TIMP2: variants seen among roughly 807,000 people sequenced by gnomAD.
TIMP2 encodes the protein metalloproteinase inhibitor 2.
A neutral mutation model predicts 24.3 loss-of-function variants in TIMP2; 5 were observed. The observed-to-expected ratio is 0.21, with a 90% CI of 0.11 to 0.43. TIMP2 has a LOEUF of 0.43. Among genes scored for constraint, TIMP2 ranks in the 20% least tolerant of loss-of-function variants. The pLI is 1.00. For synonymous variants in TIMP2, 130 were observed against 123.2 expected (o/e 1.06, Z -0.37); for missense variants, 221 against 297.5 (o/e 0.74, Z 1.89).
chr17:78,907,676 TCA>T (rs979727609), intron 1 of TIMP2, among the ~76,000 whole-genome samples: 3 of 152,130 alleles, frequency 2.0e-5, no homozygotes, highest in Admixed American at 6.5e-5. Context: ...ACCGATAGAC[TCA>T]GAGTTGAGCC....
Position 78,855,415 on chromosome 17 carries a change from C to A in TIMP2, c.*252G>T. 1 of 534,938 alleles carries A rather than the reference C, an allele frequency of 1.9e-6. No individual in the cohort carries two copies. The highest frequency in any genetic ancestry group is 3.4e-6 in the Non-Finnish European group (1 of 296,776). 33.1% of individuals were successfully genotyped at this position (534,938 alleles called of 1,614,324 possible). ...AAGCCGCGTGTCCCAGCCCTGCCTG[C>A]ACCCAAGGATCGAAGCCCCAGACAC... On this transcript the variant is annotated 3_prime_UTR_variant, in exon 5 of 5. Coordinates refer to ENST00000262768, the MANE Select transcript of TIMP2 (RefSeq NM_003255.5). This position sits in a 1 kb window ranked among gnomAD's most constrained non-coding sequence, Gnocchi z 6.0.
intron 1 of TIMP2, among the ~76,000 whole-genome samples, chr17:78,885,567 G>C (rs1249175377): frequency 6.6e-6 from 1 of 152,204 alleles, no homozygotes; most frequent in Non-Finnish European, 1.5e-5. Context: ...AGCCCTATGA[G>C]GTGCCTGGCA....
chr17:78,923,362 C>T (rs1330916986), intron 1 of TIMP2, among the ~76,000 whole-genome samples: 2 of 139,706 alleles, frequency 1.4e-5, no homozygotes, highest in African/African-American at 2.7e-5. Flanking sequence ...GGACATTCTC[C>T]CACACAGCTG....
At chr17:78,901,687 TG>T in intron 1 of TIMP2, 1 of 715,580 alleles carries the variant, frequency 1.4e-6, no homozygotes. Flanking sequence ...CTCTTTAGGA[TG>T]GGGATGATAA....
intron 1 of TIMP2, among the ~76,000 whole-genome samples, chr17:78,914,281 A>AC (rs2070235946): frequency 7.4e-6 from 1 of 135,082 alleles, no homozygotes; most frequent in Non-Finnish European, 1.6e-5. Flanking sequence ...TTATTTATTT[A>AC]TTTATTTATT....
chr17:78,853,340 G>A lies in TIMP2; in HGVS notation c.*2327C>T, dbSNP rs908974408. 2 of 152,572 alleles carry A rather than the reference G, an allele frequency of 1.3e-5. No homozygotes were observed. The highest frequency in any genetic ancestry group is 2.4e-5 in the African/African-American group (1 of 41,432). 9.5% of individuals were successfully genotyped at this position (152,572 alleles called of 1,614,324 possible). On this transcript the variant is annotated 3_prime_UTR_variant, in exon 5 of 5. Transcript: ENST00000262768. ...TTAGAACATAACATATAAATTAAAC[G>A]ATGCCAAATGGAGAGCCTTCTTAAA...
At chr17:78,893,476 GGTGTGTGTGCAGGGGT>G (rs1409304990) in intron 1 of TIMP2, among the ~76,000 whole-genome samples, 2 of 143,394 alleles carry the variant, frequency 1.4e-5, no homozygotes, top group Non-Finnish European at 3.1e-5. Context: ...TGTGCATAGC[GGTGTGTGTGCAGGGGT>G]GTGTGCGCGC....
intron 3 of TIMP2, among the ~76,000 whole-genome samples, chr17:78,860,038 T>C (rs2069555419): frequency 6.6e-6 from 1 of 151,800 alleles, no homozygotes; most frequent in Admixed American, 6.6e-5. Flanking sequence ...TAGCCGGGTG[T>C]GGTGGCGGGT....
intron 1 of TIMP2, among the ~76,000 whole-genome samples, chr17:78,909,483 C>T (rs1006989411): frequency 2.6e-5 from 4 of 151,278 alleles, no homozygotes; most frequent in Non-Finnish European, 4.4e-5. Context: ...CCCCCCCACC[C>T]AGTCCTTTCT....
intron 3 of TIMP2, among the ~76,000 whole-genome samples, chr17:78,860,576 T>C (rs1294778581): frequency 6.6e-6 from 1 of 152,254 alleles, no homozygotes; most frequent in Non-Finnish European, 1.5e-5. Flanking sequence ...TGAATTCTTA[T>C]GCTCGCACTT....
intron 1 of TIMP2, chr17:78,897,996 T>C (rs1599166666): frequency 6.6e-6 from 1 of 152,136 alleles, no homozygotes; most frequent in Non-Finnish European, 1.5e-5. Flanking sequence ...CATGACACCA[T>C]CGGATGCAAC....
chr17:78,896,761 C>T lies in TIMP2; in HGVS notation c.131-22842G>A, dbSNP rs758401594. Among the ~76,000 whole-genome samples, 3 of 152,140 alleles carry T rather than the reference C, an allele frequency of 2.0e-5. No individual in the cohort carries two copies. Among genetic ancestry groups the T allele is most frequent in the African/African-American group, 7.2e-5 (3 of 41,412 alleles). The stretch of plus-strand genomic sequence containing the variant: ...AGTGGACACCAATCTGGCCTCCGGA[C>T]GGCACCAGGGCCTCCCACAGAGCGG... On this transcript the variant is annotated intron_variant, in intron 1 of 4. Coordinates refer to ENST00000262768, the MANE Select transcript of TIMP2 (RefSeq NM_003255.5). The surrounding 1 kb of genome is among the most constrained non-coding windows in gnomAD (Gnocchi z 4.4).
Position 78,891,604 on chromosome 17 carries a change from ACT to A in TIMP2, c.131-17687_131-17686del, listed in dbSNP as rs1175790079. ...CGAGGTCTCTCAGCTTCCCCTCCAG[ACT>A]CTGTCCCTGAGAGCGACTGGTCAGG... is the stretch of plus-strand genomic sequence containing the variant. On this transcript the variant is annotated intron_variant, in intron 1 of 4. Transcript: ENST00000262768. This position sits in a 1 kb window ranked among gnomAD's most constrained non-coding sequence, Gnocchi z 4.5. 5 of 1,550,398 alleles carry A rather than the reference ACT, an allele frequency of 3.2e-6. No homozygotes were observed. In the South Asian group the frequency reaches 3.6e-5, roughly 11 times the overall value.
At chr17:78,860,335 A>C (rs1038803915) in intron 3 of TIMP2, among the ~76,000 whole-genome samples, 8 of 152,252 alleles carry the variant, frequency 5.3e-5, no homozygotes, top group African/African-American at 1.9e-4. Flanking sequence ...GCTGTGCCCT[A>C]AGCACTTTTG....
At chr17:78,872,124 G>A (rs1186183494) in intron 2 of TIMP2, among the ~76,000 whole-genome samples, 1 of 150,288 alleles carries the variant, frequency 6.7e-6, no homozygotes, top group East Asian at 2.0e-4. Flanking sequence ...GAGTAGCTGG[G>A]ACTATAGGCG....
rs1253720535 is a variant in TIMP2, at chr17:78,870,967, T to C, written c.271A>G (p.Thr91Ala). 6.2e-7 allele frequency: 1 copy of C among 1,613,634 alleles called. No individual in the cohort carries two copies. The highest frequency in any genetic ancestry group is 1.1e-5 in the South Asian group (1 of 90,926). Residue 91 changes from threonine (T) to alanine (A), a missense_variant, in exon 3 of 5, where the codon ACG becomes GCG. Transcript: ENST00000262768. The stretch of plus-strand genomic sequence containing the variant: ...CCACACACTGCCGAGGAGGGGGCCG[T>C]GTAGATAAACTCTATATCCTTCTCA... The part of the protein sequence containing the change: ...GPEKDIEFIY[T>A]APSSAVCGVS...
intron 1 of TIMP2, among the ~76,000 whole-genome samples, chr17:78,916,163 C>T (rs1362700054): frequency 6.6e-6 from 1 of 152,160 alleles, no homozygotes; most frequent in Non-Finnish European, 1.5e-5. Context: ...CCGAGAGCTT[C>T]CTGGGAGGCA....
At chr17:78,904,485 T>C (rs1036078672) in intron 1 of TIMP2, 1 of 152,084 alleles carries the variant, frequency 6.6e-6, no homozygotes, top group African/African-American at 2.4e-5. Context: ...CAAAGCCCTT[T>C]GTCCTGGGCT....
chr17:78,862,416 T>C (rs1214517628), intron 3 of TIMP2, among the ~76,000 whole-genome samples: 2 of 152,222 alleles, frequency 1.3e-5, no homozygotes, highest in Non-Finnish European at 2.9e-5. Context: ...GAGAGGTTCC[T>C]CTCGCCATGA....
Sources: allele counts gnomAD v4.1 joint callset (sites outside exome capture counted in the v4.1 genomes callset), GRCh38; gene constraint gnomAD v4.1.1; non-coding constraint Gnocchi (gnomAD v3.1); transcripts MANE v1.5; gene names NCBI Gene and HGNC (gene_info 2026-07-23, HGNC 2026-07-21).